The following AKAP19 variants were observed in gnomAD, a reference collection of about 807,000 sequenced individuals.
The protein encoded by AKAP19 is A-kinase anchoring protein 19, also known as small A-kinase anchoring protein.
chr2:190,166,617 C>G, the AKAP19 span, among the ~76,000 whole-genome samples: 1 of 151,992 alleles, frequency 6.6e-6, no homozygotes, highest in Non-Finnish European at 1.5e-5. Flanking sequence ...TGATTTAGCA[C>G]TTGAAAATCT....
the AKAP19 span, among the ~76,000 whole-genome samples, chr2:189,993,140 G>A: frequency 2.0e-5 from 3 of 152,186 alleles, no homozygotes; most frequent in Admixed American, 1.3e-4. Context: ...TCAGTATAAT[G>A]TTGCCTGTGG....
chr2:189,963,212 G>A, the AKAP19 span, among the ~76,000 whole-genome samples: 1 of 50,772 alleles, frequency 2.0e-5, no homozygotes, highest in Non-Finnish European at 4.2e-5. Flanking sequence ...TTTTTTTTTT[G>A]AGATGGAGTC....
chr2:189,911,800 T>A, the AKAP19 span, among the ~76,000 whole-genome samples: 1 of 152,184 alleles, frequency 6.6e-6, no homozygotes, highest in East Asian at 1.9e-4. Flanking sequence ...TCTGACTTAT[T>A]TGGATTAATT....
At chr2:190,073,922 G>T in the AKAP19 span, among the ~76,000 whole-genome samples, 1 of 151,946 alleles carries the variant, frequency 6.6e-6, no homozygotes, top group Non-Finnish European at 1.5e-5. Context: ...GTGGTGAGAC[G>T]TGCCTGTAGT....
chr2:190,197,760 T>C, the AKAP19 span, among the ~76,000 whole-genome samples: 1 of 152,252 alleles, frequency 6.6e-6, no homozygotes, highest in South Asian at 2.1e-4. This position sits in a 1 kb window ranked among gnomAD's most constrained non-coding sequence, Gnocchi z 4.0. Flanking sequence ...GTTTTAAAAC[T>C]GGTTTTGGCA....
At chr2:189,926,495 C>G in the AKAP19 span, among the ~76,000 whole-genome samples, 1 of 151,516 alleles carries the variant, frequency 6.6e-6, no homozygotes, top group Non-Finnish European at 1.5e-5. Flanking sequence ...ACTGTGTTAG[C>G]CAGGGTGGTC....
At chr2:190,003,618 C>T in the AKAP19 span, among the ~76,000 whole-genome samples, 3 of 152,162 alleles carry the variant, frequency 2.0e-5, no homozygotes, top group Non-Finnish European at 1.5e-5. Flanking sequence ...AATTCCAGCA[C>T]TTTGGGAGGC....
the AKAP19 span, among the ~76,000 whole-genome samples, chr2:190,035,356 G>A: frequency 2.0e-4 from 30 of 151,978 alleles, no homozygotes; most frequent in Non-Finnish European, 3.5e-4. Context: ...GCTTGAACCC[G>A]GGAGGTGAAG....
At chr2:190,143,836 C>T in the AKAP19 span, among the ~76,000 whole-genome samples, 2 of 149,282 alleles carry the variant, frequency 1.3e-5, no homozygotes, top group Non-Finnish European at 3.0e-5. Context: ...GAATACTATG[C>T]AGCCATAAAA....
the AKAP19 span, among the ~76,000 whole-genome samples, chr2:190,059,501 A>C: frequency 5.3e-5 from 8 of 151,986 alleles, no homozygotes; most frequent in Non-Finnish European, 1.0e-4. Flanking sequence ...CAGTGCATCA[A>C]CATCCTACAA....
the AKAP19 span, among the ~76,000 whole-genome samples, chr2:189,975,588 T>C: frequency 6.6e-6 from 1 of 152,248 alleles, no homozygotes; most frequent in African/African-American, 2.4e-5. Flanking sequence ...TCCAACTTGG[T>C]TCCATCCTCC....
At chr2:190,125,722 A>G in the AKAP19 span, among the ~76,000 whole-genome samples, 1 of 152,152 alleles carries the variant, frequency 6.6e-6, no homozygotes, top group Admixed American at 6.5e-5. Flanking sequence ...ATAAAAGTTA[A>G]TGGAGCAAAA....
chr2:190,181,030 G>A, the AKAP19 span: 1 of 985,602 alleles, frequency 1.0e-6, no homozygotes. Flanking sequence ...ACCCGCCCCG[G>A]GCCTGAGCGC....
At chr2:190,084,568 A>G in the AKAP19 span, among the ~76,000 whole-genome samples, 12 of 152,332 alleles carry the variant, frequency 7.9e-5, no homozygotes, top group South Asian at 2.3e-3. Flanking sequence ...GTCAAAAAAC[A>G]CAATAAAATT....
the AKAP19 span, among the ~76,000 whole-genome samples, chr2:190,081,195 C>T: frequency 6.6e-6 from 1 of 151,748 alleles, no homozygotes; most frequent in Non-Finnish European, 1.5e-5. Context: ...TGAGCCAACC[C>T]CCATCCCCCC....
At chr2:190,060,149 T>G in the AKAP19 span, 1 of 1,612,966 alleles carries the variant, frequency 6.2e-7, no homozygotes, top group Non-Finnish European at 8.5e-7. Context: ...CTAAGTTGGA[T>G]TCAGGTTGTT....
the AKAP19 span, among the ~76,000 whole-genome samples, chr2:190,041,946 A>G: frequency 1.3e-5 from 2 of 152,054 alleles, no homozygotes; most frequent in Non-Finnish European, 2.9e-5. Flanking sequence ...TTTTTGTATC[A>G]GTGTTCATCA....
chr2:189,925,594 G>T, the AKAP19 span, among the ~76,000 whole-genome samples: 273 of 152,142 alleles, frequency 1.8e-3, 2 homozygotes, highest in Non-Finnish European at 1.6e-3. Context: ...TTCATTTGTG[G>T]GTATGAATCT....
At chr2:190,047,934 G>T in the AKAP19 span, among the ~76,000 whole-genome samples, 29 of 152,280 alleles carry the variant, frequency 1.9e-4, no homozygotes, top group African/African-American at 6.7e-4. Flanking sequence ...GAAGGACTAT[G>T]TTGTTGTGAG....
Sources: gnomAD v4.1 joint callset for allele counts (sites outside exome capture counted in the v4.1 genomes callset) on GRCh38, gnomAD v4.1.1 for gene constraint, Gnocchi (gnomAD v3.1) non-coding constraint, MANE v1.5 for transcripts, NCBI Gene and HGNC (gene_info 2026-07-23, HGNC 2026-07-21) for gene names.